Variants in SPATC1L observed in about 807,000 individuals in gnomAD.
The protein encoded by SPATC1L is speriolin-like protein.
SPATC1L carries 20 observed loss-of-function variants against 21.2 expected under a neutral mutation model. The observed-to-expected ratio is 0.94, with a 90% CI of 0.66 to 1.37. The LOEUF (loss-of-function observed/expected upper bound fraction) is 1.37, where lower values mean the gene tolerates loss of function less well. Ranked by LOEUF, SPATC1L falls within the 40% of genes most tolerant of loss-of-function variation. The pLI is 0.00. For synonymous variants in SPATC1L, 290 were observed against 234.5 expected (o/e 1.24, Z -2.16); for missense variants, 499 against 478.7 (o/e 1.04, Z -0.40).
chr21:46,177,259 C>T (rs2079639320), intron 2 of SPATC1L, among the ~76,000 whole-genome samples: 1 of 152,168 alleles, frequency 6.6e-6, no homozygotes, highest in Admixed American at 6.5e-5. Context: ...CAAAAATTGA[C>T]TAATGGCATC....
intron 4 of SPATC1L, 32 bp from the exon 5 acceptor site, chr21:46,161,737 G>T: frequency 6.5e-7 from 1 of 1,543,802 alleles, no homozygotes. Flanking sequence ...GGGGGTGGGG[G>T]GCTCGGGGCC....
intron 3 of SPATC1L, among the ~76,000 whole-genome samples, chr21:46,165,480 C>T (rs1040518729): frequency 2.0e-5 from 3 of 152,020 alleles, no homozygotes; most frequent in African/African-American, 4.8e-5. Flanking sequence ...TGTGTTGTAC[C>T]CTCCAAAGAA....
At position 46,171,395 on chromosome 21, in the gene SPATC1L, A is replaced by G. The variant is rs554228950; in HGVS notation, c.194-2737T>C. 1.8e-4 allele frequency among the ~76,000 whole-genome samples: 27 copies of G among 150,726 alleles called. 1 individual carries two copies. The highest frequency in any genetic ancestry group is 6.6e-4 in the African/African-American group (27 of 40,792). ...AGTGAGCCAAGATCGTGCCACTGCA[A>G]TCCAGCCTGGGCGACAGAGCAAGAA... On this transcript the variant is annotated intron_variant, in intron 2 of 4. Coordinates refer to ENST00000291672, the MANE Select transcript of SPATC1L (RefSeq NM_001142854.2).
At chr21:46,162,186 C>T (rs1329436741) in intron 3 of SPATC1L, 119 bp from the exon 4 acceptor site, 2 of 1,162,262 alleles carry the variant, frequency 1.7e-6, no homozygotes, top group Non-Finnish European at 2.4e-6. Context: ...CTGCCGCCAC[C>T]CCCCACTGTC....
intron 2 of SPATC1L, 47 bp downstream of exon 2, chr21:46,182,577 C>G: frequency 7.0e-7 from 1 of 1,420,000 alleles, no homozygotes; most frequent in Non-Finnish European, 9.2e-7. Context: ...GCAGGCGTCC[C>G]GCGACCCCCT....
chr21:46,170,683 G>A (rs1378920906), intron 2 of SPATC1L, among the ~76,000 whole-genome samples: 1 of 126,408 alleles, frequency 7.9e-6, no homozygotes. Flanking sequence ...GAGCCTCCCT[G>A]CTCTGTGAAC....
In SPATC1L at chr21:46,161,910, G is replaced by A. The variant is rs2079498009; in HGVS notation, c.696+6C>T. On this transcript the variant is annotated splice_donor_region_variant and intron_variant, in intron 4 of 4. Transcript: ENST00000291672. ...CTCCTGGCCGCGCCCTCCCCACGGG[G>A]CGCACCTGCTCGATCTTCTCGGGGA... The A allele has an allele frequency of 1.2e-6, 2 of 1,604,644 alleles. No individual in the cohort carries two copies. Among genetic ancestry groups the A allele is most frequent in the Non-Finnish European group, 1.7e-6 (2 of 1,179,110 alleles).
chr21:46,161,205 G>T lies in SPATC1L; in HGVS notation c.*174C>A. On this transcript the variant is annotated 3_prime_UTR_variant, in exon 5 of 5. Coordinates refer to ENST00000291672, the MANE Select transcript of SPATC1L (RefSeq NM_001142854.2). ...GAGGGGTGAGAAGCACTCCGCAGGT[G>T]CGGGCAGCGGCGGGCTGCGGTCGGG... 1 of 512,298 alleles carries T rather than the reference G, an allele frequency of 2.0e-6. No homozygotes were observed. 31.7% of individuals were successfully genotyped at this position (512,298 alleles called of 1,614,324 possible).
rs566908016 is a variant in SPATC1L at position 46,164,653 on chromosome 21, A to G, written c.545-2586T>C. Reference sequence around the variant, plus strand: ...CTAAAAATACAAAAATTAGCCAGGCATGGTGGCGGGTGCCTGTAATCCCAG... The same window carrying G: ...CTAAAAATACAAAAATTAGCCAGGCGTGGTGGCGGGTGCCTGTAATCCCAG... On this transcript the variant is annotated intron_variant, in intron 3 of 4. Coordinates refer to ENST00000291672, the MANE Select transcript of SPATC1L (RefSeq NM_001142854.2). Among the ~76,000 whole-genome samples, 130 of 152,026 alleles carry G rather than the reference A, an allele frequency of 8.6e-4. 1 individual carries two copies. Among genetic ancestry groups the G allele is most frequent in the African/African-American group, 3.1e-3 (129 of 41,460 alleles).
Position 46,182,706 on chromosome 21 carries a change from C to T in SPATC1L, c.111G>A (p.Gln37=). 1 of 1,545,688 alleles carries T rather than the reference C, an allele frequency of 6.5e-7. No individual in the cohort carries two copies. The highest frequency in any genetic ancestry group is 8.7e-7 in the Non-Finnish European group (1 of 1,146,616). ...CGTGGCCGCCGCCCTCCTGGCAGCTCTGGCTGAGCAGCCGCCGCAGCATCT... is the reference window on the plus strand; with the variant it reads ...CGTGGCCGCCGCCCTCCTGGCAGCTTTGGCTGAGCAGCCGCCGCAGCATCT... The part of the protein sequence containing the change: ...ENQMLRRLLS[Q]SCQEGGGHDL... The change falls in exon 2 of 5, where the codon CAG becomes CAA. Residue 37 remains glutamine (Q), a synonymous_variant. Coordinates refer to ENST00000291672, the MANE Select transcript of SPATC1L (RefSeq NM_001142854.2).
chr21:46,179,733 A>T (rs2079658213), intron 2 of SPATC1L, among the ~76,000 whole-genome samples: 1 of 152,148 alleles, frequency 6.6e-6, no homozygotes, highest in African/African-American at 2.4e-5. Flanking sequence ...CCTCCAGGGG[A>T]CACCTCTCCA....
In SPATC1L at chr21:46,168,565, A is replaced by C; in HGVS notation, c.287T>G (p.Leu96Arg). The C allele has an allele frequency of 6.7e-7, 1 of 1,486,006 alleles. No individual in the cohort carries two copies. The highest frequency in any genetic ancestry group is 1.3e-5 in the South Asian group (1 of 77,056). 92.1% of individuals were successfully genotyped at this position (1,486,006 alleles called of 1,614,324 possible). Residue 96 changes from leucine to arginine, a missense_variant, in exon 3 of 5, where the codon CTG (leucine) becomes CGG (arginine). By Grantham distance (102) the Leu-to-Arg change is moderately radical. Transcript: ENST00000291672. ...CGGGGAGGTGTCGTCCTCGCTGGAC[A>C]GGGGGGCATGTGAGCACAGCAGGTC... ...LEDLLCSHAP[L>R]SSEDDTSPGC... is the part of the protein sequence containing the mutation.
chr21:46,162,105 G>A (rs779676592), intron 3 of SPATC1L, 38 bp from the exon 4 acceptor site: 36 of 1,525,702 alleles, frequency 2.4e-5, no homozygotes, highest in Non-Finnish European at 2.9e-5. Context: ...TCAGGGGAGC[G>A]CGAGGATCCA....
chr21:46,163,626 T>C (rs2079518877), intron 3 of SPATC1L, among the ~76,000 whole-genome samples: 1 of 152,222 alleles, frequency 6.6e-6, no homozygotes, highest in African/African-American at 2.4e-5. Context: ...TGAATTGTCT[T>C]GGCACTCTTG....
At chr21:46,174,277 C>A (rs8131130) in intron 2 of SPATC1L, among the ~76,000 whole-genome samples, 1 of 149,090 alleles carries the variant, frequency 6.7e-6, no homozygotes, top group African/African-American at 2.5e-5. Context: ...TGCAGTGAGC[C>A]GAGATTGTGC....
chr21:46,166,845 G>A (rs9980665), intron 3 of SPATC1L, among the ~76,000 whole-genome samples: 9 of 152,036 alleles, frequency 5.9e-5, no homozygotes, highest in East Asian at 1.9e-4. Context: ...ACTTCAATAC[G>A]CATTTTCACC....
At chr21:46,170,902 A>T (rs1331666073) in intron 2 of SPATC1L, among the ~76,000 whole-genome samples, 1 of 134,636 alleles carries the variant, frequency 7.4e-6, no homozygotes, top group African/African-American at 3.0e-5. Flanking sequence ...TCCTCTGTGG[A>T]TGGGGAGGAG....
chr21:46,176,613 ACTG>A (rs1371342173), intron 2 of SPATC1L, among the ~76,000 whole-genome samples: 2 of 152,208 alleles, frequency 1.3e-5, no homozygotes, highest in Admixed American at 6.5e-5. Context: ...ACTACAAAAC[ACTG>A]CTCAAAGAAA....
At chr21:46,161,858 A>C (rs1452266475) in intron 4 of SPATC1L, 58 bp downstream of exon 4, 2 of 1,576,700 alleles carry the variant, frequency 1.3e-6, no homozygotes, top group Non-Finnish European at 1.7e-6. Flanking sequence ...TGGGGGCCGC[A>C]CAGGGACGGA....
Sources: gnomAD v4.1 joint callset for allele counts (sites outside exome capture counted in the v4.1 genomes callset) on GRCh38, gnomAD v4.1.1 for gene constraint, MANE v1.5 for transcripts, NCBI Gene and HGNC (gene_info 2026-07-23, HGNC 2026-07-21) for gene names.